Variants in DNAJA1 observed in about 807,000 individuals in gnomAD.
DNAJA1 encodes the protein dnaJ homolog subfamily A member 1.
Under a neutral mutation model 47.6 loss-of-function variants are expected in DNAJA1, and 26 were observed. That is an observed-to-expected ratio of 0.55 (90% confidence interval 0.40 to 0.76). The LOEUF (loss-of-function observed/expected upper bound fraction) is 0.76. DNAJA1 is among the 30% of genes least tolerant of loss of function. The probability of loss-of-function intolerance (pLI) is 0.00; values close to 1 mark genes in which losing one functional copy is unlikely to be tolerated. For missense variants in DNAJA1, 315 were observed against 485.0 expected (o/e 0.65, Z 3.29); for synonymous variants, 165 against 158.4 (o/e 1.04, Z -0.31).
chr9:33,035,839 C>CTAACA (rs1181750394), intron 6 of DNAJA1, among the ~76,000 whole-genome samples: 2 of 152,186 alleles, frequency 1.3e-5, no homozygotes, highest in South Asian at 4.1e-4. Context: ...GGGCTGTTAA[C>CTAACA]GTTAAATATG....
At chr9:33,036,481 C>A (rs956980933) in intron 6 of DNAJA1, 93 bp from the exon 7 acceptor site, 12 of 709,248 alleles carry the variant, frequency 1.7e-5, no homozygotes, top group Middle Eastern at 3.6e-4. Context: ...TGTAAAAGAC[C>A]CTTTGCTTTT....
chr9:33,033,404 C>A (rs1034317763), intron 5 of DNAJA1, among the ~76,000 whole-genome samples: 2 of 151,960 alleles, frequency 1.3e-5, no homozygotes, highest in South Asian at 2.1e-4. Context: ...CTGAATAGTT[C>A]TTTAAAATAC....
In DNAJA1 at chr9:33,039,296, A is replaced by C. The variant is rs1839082679; in HGVS notation, c.*393A>C. The C allele has an allele frequency of 5.7e-6, 1 of 175,356 alleles. No individual in the cohort carries two copies. Among genetic ancestry groups the C allele is most frequent in the Admixed American group, 5.6e-5 (1 of 17,726 alleles). The allele number at this position is 175,356 out of a possible 1,614,324, so 10.9% of individuals were successfully genotyped here. The stretch of plus-strand genomic sequence containing the variant: ...ACTCTGTATTTAACTGGCAATGAGG[A>C]AAAAAAAATTTTGTAGAGAAGTGTT... On this transcript the variant is annotated 3_prime_UTR_variant, in exon 9 of 9. Coordinates refer to ENST00000330899, the MANE Select transcript of DNAJA1 (RefSeq NM_001539.4).
intron 5 of DNAJA1, among the ~76,000 whole-genome samples, chr9:33,033,449 C>T (rs983050190): frequency 6.6e-6 from 1 of 151,778 alleles, no homozygotes; most frequent in Non-Finnish European, 1.5e-5. Flanking sequence ...GTCTGTAATC[C>T]GAACACTATA....
chr9:33,031,822 T>G (rs776395077), intron 5 of DNAJA1, among the ~76,000 whole-genome samples: 6 of 152,238 alleles, frequency 3.9e-5, no homozygotes, highest in Non-Finnish European at 8.8e-5. Flanking sequence ...TTTGATAGAC[T>G]ACCTTTCATT....
At position 33,026,801 on chromosome 9, in the gene DNAJA1, T is replaced by C. The variant is rs765418352; in HGVS notation, c.133-12T>C. 1 of 1,606,504 alleles carries C rather than the reference T, an allele frequency of 6.2e-7. No homozygotes were observed. Among genetic ancestry groups the C allele is most frequent in the South Asian group, 1.1e-5 (1 of 90,378 alleles). ...TTTAAAAAATGAAATTCACTCCTCT[T>C]TTCTCAAACAGTTTAAACAGATTTC... On this transcript the variant is annotated splice_polypyrimidine_tract_variant and intron_variant, in intron 2 of 8. Transcript: ENST00000330899.
intron 5 of DNAJA1, among the ~76,000 whole-genome samples, chr9:33,033,791 T>C (rs1838996945): frequency 6.6e-6 from 1 of 152,216 alleles, no homozygotes; most frequent in South Asian, 2.1e-4. Flanking sequence ...TAGAAGTAAT[T>C]TGATGTGTTA....
At chr9:33,025,711 T>TG (rs1838811319) in intron 1 of DNAJA1, among the ~76,000 whole-genome samples, 2 of 137,408 alleles carry the variant, frequency 1.5e-5, no homozygotes, top group South Asian at 2.4e-4. Flanking sequence ...GGGGGGGGAG[T>TG]GGGGTTGGCG....
chr9:33,030,630 T>G lies in DNAJA1; in HGVS notation c.606T>G (p.Val202=), dbSNP rs1318860614. 2 of 1,613,738 alleles carry G rather than the reference T, an allele frequency of 1.2e-6. No homozygotes were observed. The highest frequency in any genetic ancestry group is 2.7e-5 in the African/African-American group (2 of 74,914). ...RCKSCNGRKI[V]REKKILEVHI... ...AAAGCTGCAACGGAAGGAAGATAGT[T>G]CGAGAGAAGAAAATTTTAGAAGTTC... The change falls in exon 5 of 9, where the codon GTT becomes GTG. Residue 202 remains valine (V), a synonymous_variant. Transcript: ENST00000330899.
At chr9:33,030,327 C>T (rs752728344) in intron 4 of DNAJA1, 113 bp from the exon 5 acceptor site, 8 of 985,130 alleles carry the variant, frequency 8.1e-6, no homozygotes, top group South Asian at 6.8e-5. Flanking sequence ...GGTAGCATTC[C>T]ATCAGGCTTC....
intron 6 of DNAJA1, among the ~76,000 whole-genome samples, chr9:33,035,088 A>G (rs527280624): frequency 6.8e-6 from 1 of 147,682 alleles, no homozygotes; most frequent in African/African-American, 2.5e-5. Context: ...GGAACATCTT[A>G]AACTAGTTTA....
intron 2 of DNAJA1, 68 bp from the exon 3 acceptor site, chr9:33,026,745 C>A (rs1053552721): frequency 1.2e-5 from 19 of 1,581,076 alleles, no homozygotes; most frequent in Admixed American, 1.9e-5. Flanking sequence ...TAGCTAAGAT[C>A]AAGTGTAATG....
At chr9:33,030,202 C>T (rs1838939003) in intron 4 of DNAJA1, among the ~76,000 whole-genome samples, 1 of 151,926 alleles carries the variant, frequency 6.6e-6, no homozygotes, top group African/African-American at 2.4e-5. Flanking sequence ...ATTTTAAATA[C>T]AGTTGGGATC....
intron 1 of DNAJA1, among the ~76,000 whole-genome samples, chr9:33,026,126 A>G (rs770161813): frequency 3.3e-4 from 51 of 152,250 alleles, no homozygotes; most frequent in Non-Finnish European, 5.9e-4. Flanking sequence ...AATGACCGGT[A>G]GACTGAACAT....
At position 33,038,849 on chromosome 9, in the gene DNAJA1, A is replaced by G. The variant is rs1587701867; in HGVS notation, c.1140A>G (p.Ala380=). ...GACGGCGCCACTACAATGGAGAAGCATATGAGGATGATGAACATCATCCCA... is the reference window on the plus strand; with the variant it reads ...GACGGCGCCACTACAATGGAGAAGCGTATGAGGATGATGAACATCATCCCA... ...QERRRHYNGE[A]YEDDEHHPRG... is the part of the protein sequence containing the mutation. Residue 380 remains alanine (A), a synonymous_variant, in exon 9 of 9, where the codon GCA becomes GCG. Coordinates refer to ENST00000330899, the MANE Select transcript of DNAJA1 (RefSeq NM_001539.4). 2 of 1,614,020 alleles carry G rather than the reference A, an allele frequency of 1.2e-6. No individual in the cohort carries two copies. Among genetic ancestry groups the G allele is most frequent in the Non-Finnish European group, 1.7e-6 (2 of 1,180,020 alleles).
chr9:33,038,559 C>T (rs1839069167), intron 8 of DNAJA1, 126 bp from the exon 9 acceptor site: 1 of 821,996 alleles, frequency 1.2e-6, no homozygotes, highest in Admixed American at 2.7e-5. Context: ...CCTGTTCTAA[C>T]CTGAGATTGG....
chr9:33,029,107 C>T (rs1473430645), intron 3 of DNAJA1, among the ~76,000 whole-genome samples: 4 of 152,202 alleles, frequency 2.6e-5, no homozygotes, highest in African/African-American at 9.7e-5. Context: ...GTAAGGCACT[C>T]CTTAGTAGCC....
chr9:33,030,698 T>G, intron 5 of DNAJA1, 31 bp downstream of exon 5: 1 of 1,539,498 alleles, frequency 6.5e-7, no homozygotes, highest in African/African-American at 1.4e-5. Context: ...TCTGAAGTCT[T>G]GAATGCTGTG....
At chr9:33,036,365 C>G in intron 6 of DNAJA1, 2 of 352,852 alleles carry the variant, frequency 5.7e-6, no homozygotes, top group Non-Finnish European at 1.0e-5. Context: ...TGTGGAATGA[C>G]TTTGAATCCT....
Sources: gnomAD v4.1 joint callset for allele counts (sites outside exome capture counted in the v4.1 genomes callset) on GRCh38, gnomAD v4.1.1 for gene constraint, MANE v1.5 for transcripts, NCBI Gene and HGNC (gene_info 2026-07-23, HGNC 2026-07-21) for gene names.